The following TAFA5 variants were observed in gnomAD, a reference collection of about 807,000 sequenced individuals.
The protein encoded by TAFA5 is chemokine-like protein TAFA-5.
TAFA5 carries 6 observed loss-of-function variants against 15.3 expected under a neutral mutation model. The observed-to-expected ratio is 0.39, with a 90% confidence interval of 0.21 to 0.77. TAFA5 has a LOEUF of 0.77. Ranked by LOEUF, TAFA5 falls within the 30% of genes least tolerant of loss-of-function variation. The probability of loss-of-function intolerance (pLI) is 0.41; values close to 1 mark genes in which losing one functional copy is unlikely to be tolerated. For synonymous variants in TAFA5, 103 were observed against 80.7 expected (o/e 1.28, Z -1.48); for missense variants, 161 against 193.1 (o/e 0.83, Z 0.98).
At chr22:48,664,675 A>T (rs1209749252) in intron 2 of TAFA5, among the ~76,000 whole-genome samples, 1 of 152,114 alleles carries the variant, frequency 6.6e-6, no homozygotes, top group East Asian at 1.9e-4. Context: ...CCTGTTTCAG[A>T]ACCTCCCATC....
intron 3 of TAFA5, among the ~76,000 whole-genome samples, chr22:48,738,612 C>T (rs865991309): frequency 3.3e-5 from 5 of 152,192 alleles, no homozygotes; most frequent in Non-Finnish European, 7.3e-5. Context: ...AGACCATCTG[C>T]GCCAATAATC....
At chr22:48,711,101 C>T (rs1929238558) in intron 3 of TAFA5, among the ~76,000 whole-genome samples, 1 of 152,192 alleles carries the variant, frequency 6.6e-6, no homozygotes, top group South Asian at 2.1e-4. Flanking sequence ...AGGGCACCTG[C>T]AGGGACCAGG....
At chr22:48,720,836 C>T (rs781416328) in intron 3 of TAFA5, among the ~76,000 whole-genome samples, 22 of 152,212 alleles carry the variant, frequency 1.4e-4, no homozygotes, top group Admixed American at 5.2e-4. Flanking sequence ...GAACTCTGCT[C>T]ACAGTGCAGA....
At chr22:48,648,667 T>C (rs533233565) in intron 2 of TAFA5, among the ~76,000 whole-genome samples, 2 of 152,234 alleles carry the variant, frequency 1.3e-5, no homozygotes, top group South Asian at 4.1e-4. Context: ...GGTGAAACCC[T>C]GTCTCTACTA....
chr22:48,618,637 C>T (rs565832678), intron 1 of TAFA5, among the ~76,000 whole-genome samples: 52 of 152,156 alleles, frequency 3.4e-4, no homozygotes, highest in Non-Finnish European at 6.3e-4. Context: ...TGTCCACGCC[C>T]GCAGCTCCGT....
intron 1 of TAFA5, among the ~76,000 whole-genome samples, chr22:48,645,561 A>G (rs4925418): frequency 0.86 from 130,717 of 152,062 alleles, 56,690 homozygotes; most frequent in East Asian, 1. Flanking sequence ...TACCACAGGT[A>G]ATCCCAGAGC....
intron 1 of TAFA5, among the ~76,000 whole-genome samples, chr22:48,495,694 T>C (rs535684130): frequency 2.0e-5 from 3 of 152,240 alleles, no homozygotes; most frequent in African/African-American, 7.2e-5. Context: ...TCACACCTGC[T>C]CTCCCTCCTG....
intron 1 of TAFA5, among the ~76,000 whole-genome samples, chr22:48,493,301 T>G (rs1928218172): frequency 6.6e-6 from 1 of 152,220 alleles, no homozygotes; most frequent in African/African-American, 2.4e-5. Context: ...CATGGAAATT[T>G]CCAAATAAAT....
At chr22:48,582,883 CA>C (rs1924131288) in intron 1 of TAFA5, among the ~76,000 whole-genome samples, 1 of 143,958 alleles carries the variant, frequency 6.9e-6, no homozygotes, top group African/African-American at 2.9e-5. Context: ...ACACCACACA[CA>C]CTGCACACAA....
chr22:48,717,226 C>T (rs1034460751), intron 3 of TAFA5, among the ~76,000 whole-genome samples: 13 of 152,218 alleles, frequency 8.5e-5, no homozygotes, highest in East Asian at 1.9e-4. Context: ...AGCAGATCGC[C>T]GAAGCCGGGA....
chr22:48,575,604 GCACCGGCACCGA>G (rs1357761870), intron 1 of TAFA5, among the ~76,000 whole-genome samples: 1 of 146,326 alleles, frequency 6.8e-6, no homozygotes, highest in East Asian at 2.0e-4. Flanking sequence ...GCAGCCACCG[GCACCGGCACCGA>G]CACCGGCAGC....
chr22:48,704,283 T>G (rs1929010632), intron 2 of TAFA5, among the ~76,000 whole-genome samples: 1 of 152,144 alleles, frequency 6.6e-6, no homozygotes, highest in Non-Finnish European at 1.5e-5. Flanking sequence ...TTTCTGCTAC[T>G]GGGGCATGTG....
rs117103780 is a variant in TAFA5, at chr22:48,518,807, G to C, written c.112+29103G>C. ...AGGGTCACGCTGGGACAGGCAAGCG[G>C]TGTCACCTCTTTTCCTGAAGACACT... On this transcript the variant is annotated intron_variant, in intron 1 of 3. Transcript: ENST00000402357. Among the ~76,000 whole-genome samples the C allele has an allele frequency of 3.6e-3, 555 of 152,348 alleles. 11 individuals are homozygous for C. The South Asian group carries it at 0.051, about 14-fold the overall frequency.
chr22:48,671,648 T>G (rs1377413740), intron 2 of TAFA5, among the ~76,000 whole-genome samples: 4 of 152,050 alleles, frequency 2.6e-5, no homozygotes. Context: ...AACAGACACA[T>G]TTATCAGAGA....
Position 48,745,896 on chromosome 22 carries a change from C to T in TAFA5, c.391-3943C>T, listed in dbSNP as rs527537836. Reference sequence around the variant, plus strand: ...GAGAGGCCTCGCTTCACCACACACGCGTCAGAGGAGGGCGGGCCGGTGAGC... The same window carrying T: ...GAGAGGCCTCGCTTCACCACACACGTGTCAGAGGAGGGCGGGCCGGTGAGC... On this transcript the variant is annotated intron_variant, in intron 3 of 3. Transcript: ENST00000402357. Among the ~76,000 whole-genome samples, 25 of 152,198 alleles carry T rather than the reference C, an allele frequency of 1.6e-4. 1 individual carries two copies. The highest frequency in any genetic ancestry group is 9.8e-4 in the Admixed American group (15 of 15,286).
chr22:48,511,630 C>T (rs978173572), intron 1 of TAFA5, among the ~76,000 whole-genome samples: 2 of 152,222 alleles, frequency 1.3e-5, no homozygotes, highest in African/African-American at 2.4e-5. Flanking sequence ...AAGCCGCATT[C>T]GTTCTGCAAG....
intron 1 of TAFA5, among the ~76,000 whole-genome samples, chr22:48,528,381 G>A (rs1921853689): frequency 6.6e-6 from 1 of 152,114 alleles, no homozygotes; most frequent in Admixed American, 6.5e-5. Context: ...CCCGATGCCT[G>A]TGTATAGCCA....
In TAFA5 at chr22:48,709,649, T is replaced by A. The variant is rs78215213; in HGVS notation, c.390+1805T>A. Among the ~76,000 whole-genome samples the A allele has an allele frequency of 2.8e-4, 42 of 152,268 alleles. No homozygotes were observed. In the East Asian group the frequency reaches 8.1e-3, roughly 29 times the overall value. On this transcript the variant is annotated intron_variant, in intron 3 of 3. Transcript: ENST00000402357. ...TTGATGAGCCCCTCCTCCTCGTGAT[T>A]TGAGGCCCACGAGGCGCCCAGGCCA... is the stretch of plus-strand genomic sequence containing the variant.
At chr22:48,539,272 C>A in intron 1 of TAFA5, 1 of 444,120 alleles carries the variant, frequency 2.3e-6, no homozygotes, top group Non-Finnish European at 4.7e-6. Context: ...GAGAGGTGGC[C>A]AGAAAGACCC....
Sources: gnomAD v4.1 joint callset for allele counts (sites outside exome capture counted in the v4.1 genomes callset) on GRCh38, gnomAD v4.1.1 for gene constraint, MANE v1.5 for transcripts, NCBI Gene and HGNC (gene_info 2026-07-23, HGNC 2026-07-21) for gene names.